Variants in FGL1 observed in about 807,000 individuals in gnomAD.
FGL1 encodes the protein fibrinogen like 1.
In FGL1, 59 loss-of-function variants were observed where a neutral mutation model predicts 43.7. The ratio of observed to expected loss-of-function variants is 1.35; its 90% CI spans 1.10 to 1.68. The LOEUF is 1.68. Ranked by LOEUF, FGL1 falls within the 40% of genes most tolerant of loss-of-function variation. FGL1 has a pLI of 0.00. For missense variants in FGL1, 596 were observed against 373.0 expected (o/e 1.60, Z -4.92); for synonymous variants, 192 against 126.5 (o/e 1.52, Z -3.48).
At chr8:17,875,571 T>C (rs1207808786) in intron 3 of FGL1, among the ~76,000 whole-genome samples, 23 of 22,288 alleles carry the variant, frequency 1.0e-3, no homozygotes, top group African/African-American at 2.4e-3. Flanking sequence ...CTTTCTTTCT[T>C]TCTTTCTTTC....
At position 17,874,361 on chromosome 8, in the gene FGL1, C is replaced by G. The variant is rs113038731; in HGVS notation, c.404+1G>C. The G allele has an allele frequency of 5.6e-6, 9 of 1,611,578 alleles. No individual in the cohort carries two copies. Among genetic ancestry groups the G allele is most frequent in the South Asian group, 4.4e-5 (4 of 90,584 alleles). ...AAAGTCTTACATCATAATTAGCACA[C>G]CTGTTAAAGTTTTCACTGCCATCAG... On this transcript the variant is annotated splice_donor_variant, in intron 4 of 7. Coordinates refer to ENST00000427924, the MANE Select transcript of FGL1 (RefSeq NM_004467.4). LOFTEE classifies it high-confidence loss of function.
intron 3 of FGL1, 56 bp downstream of exon 3, chr8:17,881,943 T>G (rs2053542230): frequency 7.0e-7 from 1 of 1,431,344 alleles, no homozygotes; most frequent in East Asian, 2.3e-5. Context: ...GCACCATCAC[T>G]GTACATGGGT....
At chr8:17,873,500 T>C (rs2053396274) in intron 5 of FGL1, among the ~76,000 whole-genome samples, 1 of 152,180 alleles carries the variant, frequency 6.6e-6, no homozygotes, top group South Asian at 2.1e-4. Context: ...TTGTGAGAAG[T>C]AATAAATGGT....
In FGL1 at chr8:17,876,725, T is replaced by C. The variant is rs888663420; in HGVS notation, c.245-2204A>G. On this transcript the variant is annotated intron_variant, in intron 3 of 7. Coordinates refer to ENST00000427924, the MANE Select transcript of FGL1 (RefSeq NM_004467.4). ...TTAAATTTCCTACCAAAGAGCTGAATACTAAAGACTCACAAGGATCAAACT... is the reference window on the plus strand; with the variant it reads ...TTAAATTTCCTACCAAAGAGCTGAACACTAAAGACTCACAAGGATCAAACT... Among the ~76,000 whole-genome samples, 7 of 152,206 alleles carry C rather than the reference T, an allele frequency of 4.6e-5. 1 individual carries two copies. Among genetic ancestry groups the C allele is most frequent in the African/African-American group, 1.7e-4 (7 of 41,460 alleles).
At chr8:17,865,592 T>A (rs2053259123) in intron 7 of FGL1, among the ~76,000 whole-genome samples, 1 of 152,218 alleles carries the variant, frequency 6.6e-6, no homozygotes, top group East Asian at 1.9e-4. Context: ...ATAAGCTGGT[T>A]AGGTTATCGA....
rs773179664 is a variant in FGL1 at position 17,868,656 on chromosome 8, T to C, written c.671A>G (p.Gln224Arg). 2.0e-5 allele frequency: 33 copies of C among 1,613,978 alleles called. No homozygotes were observed. The highest frequency in any genetic ancestry group is 4.0e-5 in the African/African-American group (3 of 74,922). Residue 224 changes from glutamine (Q) to arginine (R), a missense_variant, in exon 7 of 8, where the codon CAG (glutamine) becomes CGG (arginine). Gln to Arg is a conservative substitution (Grantham distance 43, BLOSUM62 1). Transcript: ENST00000427924. ...SLAGNFHPEV[Q>R]WWASHQRMKF... Reference sequence around the variant, plus strand: ...CATTCTTTGGTGACTAGCCCACCACTGCACCTCAGGATGAAAATTCCCCGC... The same window carrying C: ...CATTCTTTGGTGACTAGCCCACCACCGCACCTCAGGATGAAAATTCCCCGC...
chr8:17,872,346 A>G (rs1310754331), intron 5 of FGL1, among the ~76,000 whole-genome samples: 4 of 121,826 alleles, frequency 3.3e-5, no homozygotes, highest in Non-Finnish European at 6.9e-5. Context: ...TCTGTCACCC[A>G]GGCTGGAGTG....
chr8:17,869,885 G>A (rs1332743123), intron 5 of FGL1, among the ~76,000 whole-genome samples: 6 of 152,146 alleles, frequency 3.9e-5, no homozygotes, highest in Non-Finnish European at 8.8e-5. Flanking sequence ...CGAGGCGGGC[G>A]GATCACGAGG....
chr8:17,882,394 A>G (rs772815192), intron 2 of FGL1: 5 of 429,408 alleles, frequency 1.2e-5, no homozygotes, highest in African/African-American at 2.0e-5. Flanking sequence ...GACTCAAAAG[A>G]TCAAATAATA....
intron 5 of FGL1, among the ~76,000 whole-genome samples, chr8:17,870,119 C>CA (rs563696064): frequency 1.8e-3 from 273 of 150,562 alleles, no homozygotes; most frequent in Non-Finnish European, 3.0e-3. Context: ...CAAAAAACAA[C>CA]AAAAAAACAA....
chr8:17,881,240 G>A (rs2053530961), intron 3 of FGL1, among the ~76,000 whole-genome samples: 1 of 151,316 alleles, frequency 6.6e-6, no homozygotes, highest in Non-Finnish European at 1.5e-5. Flanking sequence ...GGGTTCAAGT[G>A]ATTCTCCTGC....
chr8:17,886,871 A>G (rs375777037), intron 1 of FGL1, among the ~76,000 whole-genome samples: 26 of 152,172 alleles, frequency 1.7e-4, no homozygotes, highest in East Asian at 1.2e-3. Context: ...GAAGCGAGAG[A>G]AGTCACAGTG....
At chr8:17,870,096 C>T (rs533463708) in intron 5 of FGL1, among the ~76,000 whole-genome samples, 2 of 151,572 alleles carry the variant, frequency 1.3e-5, no homozygotes, top group Non-Finnish European at 2.9e-5. Flanking sequence ...GGCGACAGAG[C>T]GAGACTCCGT....
chr8:17,885,319 C>T (rs564224003), intron 2 of FGL1, among the ~76,000 whole-genome samples, 173 bp downstream of exon 2: 4 of 152,162 alleles, frequency 2.6e-5, no homozygotes, highest in East Asian at 1.9e-4. Flanking sequence ...AAATGTAAAG[C>T]GCTTTAAAGT....
intron 1 of FGL1, 93 bp downstream of exon 1, chr8:17,895,354 G>T: frequency 1.6e-6 from 2 of 1,216,478 alleles, no homozygotes; most frequent in African/African-American, 1.6e-5. Context: ...AAAGCTAATG[G>T]TTGTTACCTG....
At chr8:17,881,529 G>A (rs1022143447) in intron 3 of FGL1, among the ~76,000 whole-genome samples, 7 of 151,094 alleles carry the variant, frequency 4.6e-5, no homozygotes, top group Admixed American at 2.7e-4. Flanking sequence ...TGCCCTGGCA[G>A]AGATAGAAAA....
At chr8:17,881,493 C>A (rs369024733) in intron 3 of FGL1, among the ~76,000 whole-genome samples, 1 of 151,226 alleles carries the variant, frequency 6.6e-6, no homozygotes, top group South Asian at 2.1e-4. Flanking sequence ...GATATAAATT[C>A]TCAGATATTT....
rs988825840 is a variant in FGL1, at chr8:17,882,152, T to C, written c.91A>G (p.Met31Val). Residue 31 changes from methionine to valine, a missense_variant, in exon 3 of 8, where the codon ATG becomes GTG. Met to Val is a conservative substitution (Grantham distance 21). Coordinates refer to ENST00000427924, the MANE Select transcript of FGL1 (RefSeq NM_004467.4). ...SALEDCAQEQ[M>V]RLRAQVRLLE... Reference sequence around the variant, plus strand: ...AGGCGCACCTGGGCTCTGAGCCGCATCTGCTCCTGGGCACAGTCCTCGAGC... The same window carrying C: ...AGGCGCACCTGGGCTCTGAGCCGCACCTGCTCCTGGGCACAGTCCTCGAGC... 1.2e-6 allele frequency: 2 copies of C among 1,613,954 alleles called. No individual in the cohort carries two copies. The highest frequency in any genetic ancestry group is 1.7e-6 in the Non-Finnish European group (2 of 1,180,000).
At position 17,873,993 on chromosome 8, in the gene FGL1, T is replaced by A. The variant is rs142466248; in HGVS notation, c.502+26A>T. 1.2e-4 allele frequency: 172 copies of A among 1,495,332 alleles called. No homozygotes were observed. The African/African-American group carries it at 1.3e-3, about 11-fold the overall frequency. 92.6% of individuals were successfully genotyped at this position (1,495,332 alleles called of 1,614,324 possible). On this transcript the variant is annotated intron_variant, in intron 5 of 7. Transcript: ENST00000427924. ...AGTGTTGTTTTTATTATATTTCAAA[T>A]AAATCTGACATCATTCAAACCTTAC... is the stretch of plus-strand genomic sequence containing the variant.
Sources: gnomAD v4.1 joint callset for allele counts (sites outside exome capture counted in the v4.1 genomes callset) on GRCh38, gnomAD v4.1.1 for gene constraint, MANE v1.5 for transcripts, NCBI Gene and HGNC (gene_info 2026-07-23, HGNC 2026-07-21) for gene names.